Variants in TJP1 observed in about 807,000 individuals in gnomAD.
TJP1 encodes tight junction protein 1, also known as tight junction protein ZO-1.
TJP1 carries 43 observed loss-of-function variants against 194.2 expected under a neutral mutation model. That is an observed-to-expected ratio of 0.22 (90% CI 0.17 to 0.29). TJP1 has a LOEUF of 0.29. Ranked by LOEUF, TJP1 falls within the 10% of genes least tolerant of loss-of-function variation. The probability of loss-of-function intolerance (pLI) is 1.00; values close to 1 mark genes in which losing one functional copy is unlikely to be tolerated. For missense variants in TJP1, 1,971 were observed against 2,185.7 expected, an observed-to-expected ratio of 0.90 and a Z score of 1.96; for synonymous variants, 801 against 779.0, an observed-to-expected ratio of 1.03 and a Z score of -0.47.
chr15:29,776,667 C>T (rs1175143560), intron 2 of TJP1, among the ~76,000 whole-genome samples: 1 of 152,008 alleles, frequency 6.6e-6, no homozygotes, highest in East Asian at 1.9e-4. Context: ...CTATAGCATG[C>T]CTTAGTCTTT....
chr15:29,711,212 G>T (rs1221661358), intron 23 of TJP1, among the ~76,000 whole-genome samples: 2 of 152,092 alleles, frequency 1.3e-5, no homozygotes, highest in South Asian at 2.1e-4. Flanking sequence ...AAAACTTTAA[G>T]AATATTAGTA....
intron 2 of TJP1, among the ~76,000 whole-genome samples, chr15:29,795,353 G>T (rs1046242373): frequency 2.0e-5 from 3 of 150,610 alleles, no homozygotes; most frequent in African/African-American, 7.3e-5. Context: ...AACCGCAGAG[G>T]TTGCAGTGAG....
rs2151386864 is a variant in TJP1, at chr15:29,746,179, C to A, written c.1011-3398G>T. Among the ~76,000 whole-genome samples, 2 of 152,152 alleles carry A rather than the reference C, an allele frequency of 1.3e-5. 1 individual carries two copies. Among genetic ancestry groups the A allele is most frequent in the South Asian group, 4.2e-4 (2 of 4,812 alleles). ...GGATCACAAGGTCAGAAGATCGAGA[C>A]CATCCTGGCTACGGGTGAAACCCTG... On this transcript the variant is annotated intron_variant, in intron 8 of 27. Transcript: ENST00000614355.
At chr15:29,956,897 T>C (rs918612687) in intron 1 of TJP1, among the ~76,000 whole-genome samples, 2 of 151,946 alleles carry the variant, frequency 1.3e-5, no homozygotes, top group Non-Finnish European at 2.9e-5. Context: ...TAAGGTTTTT[T>C]TTTAAAAAAA....
intron 1 of TJP1, among the ~76,000 whole-genome samples, chr15:29,811,468 G>C (rs2049505406): frequency 1.3e-5 from 2 of 151,974 alleles, no homozygotes; most frequent in Admixed American, 1.3e-4. Context: ...GTAAATGGTT[G>C]AAAGTACGGA....
chr15:29,783,092 G>T lies in TJP1; in HGVS notation c.85-9735C>A, dbSNP rs141893900. Among the ~76,000 whole-genome samples, 236 of 152,100 alleles carry T rather than the reference G, an allele frequency of 1.6e-3. 2 individuals are homozygous for T. Among genetic ancestry groups the T allele is most frequent in the African/African-American group, 5.4e-3 (226 of 41,506 alleles). On this transcript the variant is annotated intron_variant, in intron 2 of 27. Transcript: ENST00000614355. ...AGTTCGAGGCCAGCCTGACTAACAT[G>T]GGGAAGCCCCATCTCTACTAAAAGT...
At chr15:29,905,334 GA>G (rs2053771158) in intron 2 of TJP1, among the ~76,000 whole-genome samples, 1 of 152,140 alleles carries the variant, frequency 6.6e-6, no homozygotes. Context: ...GATTTTAAAA[GA>G]ATGTTCCTCA....
At chr15:29,800,765 C>A in intron 1 of TJP1, 63 bp from the exon 2 acceptor site, 1 of 1,505,880 alleles carries the variant, frequency 6.6e-7, no homozygotes, top group Non-Finnish European at 9.2e-7. Context: ...ATAAGGTGAG[C>A]AAGAACATCC....
intron 2 of TJP1, among the ~76,000 whole-genome samples, chr15:29,895,116 C>G (rs895724114): frequency 6.6e-6 from 1 of 152,172 alleles, no homozygotes; most frequent in Non-Finnish European, 1.5e-5. Context: ...GTCATTCTTC[C>G]ATGTCTTCAT....
intron 1 of TJP1, chr15:29,967,977 TG>T: frequency 1.2e-6 from 1 of 862,668 alleles, no homozygotes; most frequent in Non-Finnish European, 1.4e-6. Context: ...AGGTGGCTCC[TG>T]GGATTCCGCA....
rs140103772 is a variant in TJP1 at position 29,797,540 on chromosome 15, T to C, written c.84+3106A>G. ...AATCACAGAATGGGAAAAAAATACT[T>C]ACAAAATAATACCTGATAAAGAATC... On this transcript the variant is annotated intron_variant, in intron 2 of 27. Transcript: ENST00000614355. Among the ~76,000 whole-genome samples the C allele has an allele frequency of 1.1e-3, 158 of 149,804 alleles. No individual in the cohort carries two copies. The East Asian group carries it at 0.023, about 22-fold the overall frequency.
intron 2 of TJP1, among the ~76,000 whole-genome samples, chr15:29,858,001 G>A (rs1332582752): frequency 6.6e-6 from 1 of 152,134 alleles, no homozygotes; most frequent in East Asian, 1.9e-4. Context: ...GACCTCAGGT[G>A]ATTCACCCGC....
At chr15:29,743,252 G>C (rs2044544794) in intron 8 of TJP1, among the ~76,000 whole-genome samples, 1 of 152,126 alleles carries the variant, frequency 6.6e-6, no homozygotes, top group Non-Finnish European at 1.5e-5. Flanking sequence ...CAACAAAAGT[G>C]ATTACATAAA....
intron 2 of TJP1, among the ~76,000 whole-genome samples, chr15:29,872,836 ACT>A (rs1167982787): frequency 1.3e-5 from 2 of 152,016 alleles, no homozygotes; most frequent in Non-Finnish European, 2.9e-5. Flanking sequence ...CGGCACGTCC[ACT>A]CTGAGTGAGT....
intron 2 of TJP1, among the ~76,000 whole-genome samples, chr15:29,837,458 TG>T (rs1484452283): frequency 6.6e-6 from 1 of 152,136 alleles, no homozygotes; most frequent in Non-Finnish European, 1.5e-5. Context: ...CTCAGGAGGC[TG>T]AGGCAGGAGA....
chr15:29,740,614 A>C (rs932333488), intron 10 of TJP1, among the ~76,000 whole-genome samples: 1 of 152,174 alleles, frequency 6.6e-6, no homozygotes, highest in Admixed American at 6.5e-5. Context: ...CCTGGGCGAC[A>C]GAGCAAGACC....
intron 2 of TJP1, among the ~76,000 whole-genome samples, chr15:29,890,192 G>A (rs1232762907): frequency 1.3e-5 from 2 of 148,392 alleles, no homozygotes; most frequent in Non-Finnish European, 2.9e-5. Flanking sequence ...GAAACTGGGA[G>A]GGGACGGGGT....
At chr15:29,808,057 C>T (rs988797672) in intron 1 of TJP1, among the ~76,000 whole-genome samples, 10 of 152,118 alleles carry the variant, frequency 6.6e-5, no homozygotes, top group Admixed American at 2.6e-4. Context: ...CATTTGAGGC[C>T]AGATGTTCAA....
rs1244041662 is a variant in TJP1, at chr15:29,877,668, C to CA, written c.307-76967_307-76966insT. Among the ~76,000 whole-genome samples the CA allele has an allele frequency of 2.2e-5, 3 of 138,128 alleles. No homozygotes were observed. The Admixed American group carries it at 2.2e-4, about 10-fold the overall frequency. 90.6% of individuals were successfully genotyped at this position (138,128 alleles called of 152,430 possible). On this transcript the variant is annotated intron_variant, in intron 2 of 28. Transcript: ENST00000356107. ...TTTCTTTCTTTGTCTCTCTCTCTTTCTTTTTTTTTTGAGAGAGTCTCACTC... is the reference window on the plus strand; with the variant it reads ...TTTCTTTCTTTGTCTCTCTCTCTTTCATTTTTTTTTTGAGAGAGTCTCACTC...
Sources: gnomAD v4.1 joint callset for allele counts (sites outside exome capture counted in the v4.1 genomes callset) on GRCh38, gnomAD v4.1.1 for gene constraint, MANE v1.5 for transcripts, NCBI Gene and HGNC (gene_info 2026-07-23, HGNC 2026-07-21) for gene names.